Variants in MOBP observed in about 807,000 individuals in gnomAD.
MOBP encodes the protein myelin-associated oligodendrocyte basic protein.
In MOBP, 5 loss-of-function variants were observed where a neutral mutation model predicts 15.0. The ratio of observed to expected loss-of-function variants is 0.33; its 90% CI spans 0.17 to 0.70. The LOEUF is 0.70. MOBP is among the 30% of genes least tolerant of loss of function. The probability of loss-of-function intolerance (pLI) is 0.67; values close to 1 mark genes in which losing one functional copy is unlikely to be tolerated. For synonymous variants in MOBP, 88 were observed against 99.0 expected (o/e 0.89, Z 0.66); for missense variants, 188 against 257.8 (o/e 0.73, Z 1.85).
downstream of MOBP, among the ~76,000 whole-genome samples, chr3:39,516,461 G>A (rs1351005611): frequency 1.3e-5 from 2 of 152,156 alleles, no homozygotes; most frequent in Non-Finnish European, 2.9e-5. Context: ...TGGTGGATTT[G>A]CAGACTTAGT....
chr3:39,492,188 G>T (rs2042806032), intron 2 of MOBP, among the ~76,000 whole-genome samples: 1 of 152,206 alleles, frequency 6.6e-6, no homozygotes, highest in Non-Finnish European at 1.5e-5. Context: ...GGAGCCTGAT[G>T]ACCAGTGGCT....
chr3:39,474,461 T>TTG (rs2042515322), intron 1 of MOBP, among the ~76,000 whole-genome samples: 1 of 152,226 alleles, frequency 6.6e-6, no homozygotes. Context: ...TACAGGCTAC[T>TTG]TAATACAACG....
chr3:39,497,823 C>T (rs2042908771), intron 2 of MOBP, among the ~76,000 whole-genome samples: 1 of 152,132 alleles, frequency 6.6e-6, no homozygotes, highest in Non-Finnish European at 1.5e-5. Flanking sequence ...GTCCCCAGAA[C>T]CAGATTAGTT....
chr3:39,496,040 T>A (rs1395192254), intron 2 of MOBP, among the ~76,000 whole-genome samples: 1 of 152,030 alleles, frequency 6.6e-6, no homozygotes, highest in Non-Finnish European at 1.5e-5. Flanking sequence ...ATTTTTTCAA[T>A]AATATAAATT....
At chr3:39,492,971 A>G (rs1274917710) in intron 2 of MOBP, among the ~76,000 whole-genome samples, 3 of 152,184 alleles carry the variant, frequency 2.0e-5, no homozygotes. Context: ...ACCCGTTTGC[A>G]TGTCTGACTT....
chr3:39,490,225 C>G (rs28452528), intron 2 of MOBP, among the ~76,000 whole-genome samples: 9,083 of 152,152 alleles, frequency 0.06, 765 homozygotes, highest in African/African-American at 0.18. Flanking sequence ...CTATCCTCCC[C>G]CTGTCCTCAT....
intron 2 of MOBP, among the ~76,000 whole-genome samples, chr3:39,497,470 A>G (rs1049872649): frequency 6.6e-6 from 1 of 152,168 alleles, no homozygotes; most frequent in Non-Finnish European, 1.5e-5. Flanking sequence ...CTGGACTCCT[A>G]TTCCTTGGGA....
downstream of MOBP, among the ~76,000 whole-genome samples, chr3:39,503,264 C>A (rs934979833): frequency 1.3e-4 from 3 of 22,484 alleles, no homozygotes; most frequent in African/African-American, 1.9e-4. Flanking sequence ...TCCATTGGAC[C>A]CATCCATCTC....
At chr3:39,488,556 A>G (rs1445407147) in intron 2 of MOBP, among the ~76,000 whole-genome samples, 2 of 152,218 alleles carry the variant, frequency 1.3e-5, no homozygotes, top group African/African-American at 2.4e-5. Context: ...TGGCACCATC[A>G]GCACTTAGAC....
At chr3:39,486,910 T>G (rs1477265964) in intron 2 of MOBP, among the ~76,000 whole-genome samples, 1 of 151,512 alleles carries the variant, frequency 6.6e-6, no homozygotes, top group Non-Finnish European at 1.5e-5. Flanking sequence ...GTTTATTGTG[T>G]CTTTTGATGT....
chr3:39,520,537 AGTGTGT>A (rs5848515), downstream of MOBP, among the ~76,000 whole-genome samples: 90,725 of 144,660 alleles, frequency 0.63, 31,733 homozygotes, highest in Non-Finnish European at 0.78. Context: ...TGTGTTCATG[AGTGTGT>A]GTGTGTGTGT....
Position 39,488,231 on chromosome 3 carries a change from T to C in MOBP, c.-5+8108T>C, listed in dbSNP as rs537955444. ...CATTTTTATGTCAAATACAGTGCAATTGATTTCTGCCTTTCTCTCTTGTGA... is the reference window on the plus strand; with the variant it reads ...CATTTTTATGTCAAATACAGTGCAACTGATTTCTGCCTTTCTCTCTTGTGA... On this transcript the variant is annotated intron_variant, in intron 2 of 3. Transcript: ENST00000684792. Among the ~76,000 whole-genome samples the C allele has an allele frequency of 3.3e-5, 5 of 152,332 alleles. No individual in the cohort carries two copies. The East Asian group carries it at 9.6e-4, about 29-fold the overall frequency.
chr3:39,490,300 A>G (rs2042776821), intron 2 of MOBP, among the ~76,000 whole-genome samples: 2 of 152,164 alleles, frequency 1.3e-5, no homozygotes, highest in South Asian at 4.1e-4. Flanking sequence ...AATATATTTT[A>G]TTTCTGTTTC....
downstream of MOBP, among the ~76,000 whole-genome samples, chr3:39,519,875 T>G (rs563474387): frequency 6.6e-6 from 1 of 151,974 alleles, no homozygotes; most frequent in East Asian, 1.9e-4. Flanking sequence ...AAACAATCTG[T>G]ACTGCCACCT....
intron 1 of MOBP, among the ~76,000 whole-genome samples, chr3:39,474,929 A>T (rs193206888): frequency 2.0e-5 from 3 of 152,316 alleles, no homozygotes; most frequent in Admixed American, 6.5e-5. Flanking sequence ...TAGCACAACT[A>T]ATAAAACTAA....
chr3:39,493,594 ATCT>A (rs1354154162), intron 2 of MOBP, among the ~76,000 whole-genome samples: 2 of 152,204 alleles, frequency 1.3e-5, no homozygotes, highest in East Asian at 3.9e-4. Context: ...TTAATCAAAC[ATCT>A]TCTGAGCACC....
intron 1 of MOBP, among the ~76,000 whole-genome samples, chr3:39,473,044 G>A (rs551911335): frequency 6.7e-4 from 102 of 152,240 alleles, no homozygotes; most frequent in Non-Finnish European, 1.2e-3. Context: ...GGAAATCTGC[G>A]GGGCTGGACT....
intron 1 of MOBP, among the ~76,000 whole-genome samples, chr3:39,477,121 A>G (rs1559414923): frequency 6.6e-6 from 1 of 152,160 alleles, no homozygotes; most frequent in Non-Finnish European, 1.5e-5. Context: ...TGGGGTCTCA[A>G]CTGAAAGATT....
chr3:39,482,865 AATAT>A (rs2042648498), intron 2 of MOBP, among the ~76,000 whole-genome samples: 1 of 151,868 alleles, frequency 6.6e-6, no homozygotes, highest in South Asian at 2.1e-4. Context: ...TAAGTCCTCA[AATAT>A]ACCTCCCCAA....
Sources: allele counts gnomAD v4.1 joint callset (sites outside exome capture counted in the v4.1 genomes callset), GRCh38; gene constraint gnomAD v4.1.1; transcripts MANE v1.5; gene names NCBI Gene and HGNC (gene_info 2026-07-23, HGNC 2026-07-21).